The following RNF14 variants were observed in gnomAD, a reference collection of about 807,000 sequenced individuals.
The protein encoded by RNF14 is ring finger protein 14.
RNF14 carries 26 observed loss-of-function variants against 52.6 expected under a neutral mutation model. The ratio of observed to expected loss-of-function variants is 0.49; its 90% CI spans 0.36 to 0.69. The LOEUF (loss-of-function observed/expected upper bound fraction) is 0.69, where lower values mean the gene tolerates loss of function less well. Among genes scored for constraint, RNF14 ranks in the 30% least tolerant of loss-of-function variants. The pLI, the probability that RNF14 is intolerant of heterozygous loss-of-function variation, is 0.00. For synonymous variants in RNF14, 194 were observed against 202.0 expected (o/e 0.96, Z 0.34); for missense variants, 404 against 560.4 (o/e 0.72, Z 2.82).
At chr5:141,958,119 G>A (rs1208300028), upstream of RNF14, 1 of 475,348 alleles carries the variant, frequency 2.1e-6, no homozygotes, top group Non-Finnish European at 3.8e-6. Context: ...GTCCACTTCA[G>A]CAAATGATGG....
chr5:141,957,640 A>C (rs771716437), upstream of RNF14: 13 of 1,614,084 alleles, frequency 8.1e-6, no homozygotes, highest in Non-Finnish European at 1.1e-5. The surrounding 1 kb of genome is among the most constrained non-coding windows in gnomAD (Gnocchi z 4.3). Flanking sequence ...CGCCTGAGGC[A>C]GCTGCAACAC....
the RNF14 span, among the ~76,000 whole-genome samples, chr5:141,950,979 A>G: frequency 0.24 from 36,849 of 152,108 alleles, 5,544 homozygotes; most frequent in Non-Finnish European, 0.34. Context: ...TCAAGTTTAC[A>G]TAGCTGGTTT....
intron 2 of RNF14, among the ~76,000 whole-genome samples, chr5:141,972,593 A>G (rs1203678795): frequency 1.3e-5 from 2 of 151,652 alleles, no homozygotes; most frequent in Non-Finnish European, 2.9e-5. Flanking sequence ...TAAAAAATTT[A>G]CTTTTTTGTT....
the RNF14 span, chr5:141,951,402 G>A: frequency 1.0e-6 from 1 of 955,856 alleles, no homozygotes; most frequent in South Asian, 1.3e-5. Flanking sequence ...TGTCTGACTT[G>A]TGCTCACCCT....
chr5:141,977,500 A>G (rs573303112), intron 4 of RNF14, among the ~76,000 whole-genome samples: 179 of 152,372 alleles, frequency 1.2e-3, no homozygotes, highest in Non-Finnish European at 1.7e-3. Flanking sequence ...AAAATATTTT[A>G]TATTTCTAAT....
At chr5:141,979,222 AGGTGGTGGT>A (rs201481031) in intron 5 of RNF14, among the ~76,000 whole-genome samples, 3 of 56,680 alleles carry the variant, frequency 5.3e-5, no homozygotes, top group African/African-American at 1.2e-4. Context: ...CAGCCTACTT[AGGTGGTGGT>A]GGTGTTGTTG....
chr5:141,971,164 C>T (rs1053219146), intron 2 of RNF14, among the ~76,000 whole-genome samples: 3 of 152,094 alleles, frequency 2.0e-5, no homozygotes, highest in Admixed American at 2.0e-4. Flanking sequence ...TTTGTAAATT[C>T]TCATTGCATA....
upstream of RNF14, chr5:141,956,729 G>A (rs750716917): frequency 1.1e-5 from 17 of 1,614,124 alleles, no homozygotes; most frequent in Admixed American, 2.8e-4. Context: ...GCCATGACAA[G>A]AGCAATAAAA....
In RNF14 at chr5:141,973,665, G is replaced by A. The variant is rs1753998462; in HGVS notation, c.77G>A (p.Arg26Lys). The A allele has an allele frequency of 3.7e-6, 6 of 1,613,898 alleles. No homozygotes were observed. The South Asian group carries it at 5.5e-5, about 15-fold the overall frequency. Reference protein sequence around the residue: ...LASIYDGDEFRKAESVQGGET... With the variant: ...LASIYDGDEFKKAESVQGGET... ...AGTATTTACGATGGAGATGAATTTA[G>A]AAAAGCAGAGTCTGTCCAAGGTGGA... The change falls in exon 3 of 9, where the codon AGA becomes AAA. Residue 26 changes from arginine to lysine, a missense_variant. Arg to Lys is a conservative substitution (Grantham distance 26). Transcript: ENST00000394520.
chr5:141,953,525 CTA>C (rs1390695349), upstream of RNF14: 4 of 152,204 alleles, frequency 2.6e-5, no homozygotes, highest in African/African-American at 9.7e-5. Flanking sequence ...AGATCTGACT[CTA>C]TGTGCTGCTG....
At chr5:141,958,961 G>C (rs2126933049) in intron 1 of RNF14, 1 of 152,440 alleles carries the variant, frequency 6.6e-6, no homozygotes, top group African/African-American at 2.4e-5. Context: ...TGGCCCTGGG[G>C]CAGTCCCTGC....
chr5:141,961,472 CT>C (rs948572693), intron 1 of RNF14, among the ~76,000 whole-genome samples: 3 of 152,104 alleles, frequency 2.0e-5, no homozygotes, highest in African/African-American at 7.2e-5. Context: ...GTCAGCTGAT[CT>C]TTAGCAGTCA....
chr5:141,953,885 T>C (rs997402352), upstream of RNF14, among the ~76,000 whole-genome samples: 2 of 152,228 alleles, frequency 1.3e-5, no homozygotes, highest in African/African-American at 4.8e-5. Context: ...GCTGATAGCC[T>C]GGCCAAACAG....
chr5:141,989,825 T>G lies in RNF14; in HGVS notation c.*2035T>G, dbSNP rs1755498529. ...ATCAAAGAGTTCAATTCAGATTTAT[T>G]CAGAAAGAGCTACTCAGAAGCTCTA... On this transcript the variant is annotated 3_prime_UTR_variant, in exon 9 of 9. Coordinates refer to ENST00000394520, the MANE Select transcript of RNF14 (RefSeq NM_004290.5). 1 of 152,186 alleles carries G rather than the reference T, an allele frequency of 6.6e-6. No individual in the cohort carries two copies. 9.4% of individuals were successfully genotyped at this position (152,186 alleles called of 1,614,324 possible). A position where few individuals can be genotyped will look rare whatever the true frequency, so the allele number is the denominator to read the frequency against.
At chr5:141,980,429 CT>C in intron 6 of RNF14, 78 bp downstream of exon 6, 1 of 1,009,130 alleles carries the variant, frequency 9.9e-7, no homozygotes, top group Non-Finnish European at 1.5e-6. Flanking sequence ...GGCCTTATGA[CT>C]TCATTCTTCA....
upstream of RNF14, chr5:141,957,124 G>T (rs538237213): frequency 2.5e-6 from 4 of 1,614,128 alleles, no homozygotes; most frequent in Non-Finnish European, 2.5e-6. This position sits in a 1 kb window ranked among gnomAD's most constrained non-coding sequence, Gnocchi z 4.3. Context: ...CTCAGCAAAC[G>T]CAGGGCTATT....
chr5:141,959,178 C>T (rs1753232351), intron 1 of RNF14: 2 of 152,382 alleles, frequency 1.3e-5, no homozygotes, highest in Admixed American at 1.3e-4. Context: ...ACGTTTCCCT[C>T]TCCCACACCT....
intron 8 of RNF14, among the ~76,000 whole-genome samples, chr5:141,986,524 T>C (rs1371514784): frequency 3.3e-5 from 5 of 152,272 alleles, no homozygotes; most frequent in African/African-American, 1.2e-4. Context: ...CCTTATTCCA[T>C]GTATTGTATA....
chr5:141,974,475 C>T (rs164495), intron 3 of RNF14, among the ~76,000 whole-genome samples: 117,506 of 152,176 alleles, frequency 0.77, 45,563 homozygotes, highest in East Asian at 0.98. Flanking sequence ...ATTGTGTCTT[C>T]AATCATCCAC....
Sources: gnomAD v4.1 joint callset for allele counts (sites outside exome capture counted in the v4.1 genomes callset) on GRCh38, gnomAD v4.1.1 for gene constraint, Gnocchi (gnomAD v3.1) non-coding constraint, MANE v1.5 for transcripts, NCBI Gene and HGNC (gene_info 2026-07-23, HGNC 2026-07-21) for gene names.